The following DIAPH3 variants were observed in gnomAD, a reference collection of about 807,000 sequenced individuals.
DIAPH3 encodes diaphanous related formin 3.
DIAPH3 carries 117 observed loss-of-function variants against 144.3 expected under a neutral mutation model. That is an observed-to-expected ratio of 0.81 (90% CI 0.70 to 0.95). DIAPH3 has a LOEUF of 0.95. Among genes scored for constraint, DIAPH3 ranks in the 40% least tolerant of loss-of-function variants. DIAPH3 has a pLI of 0.00. For synonymous variants in DIAPH3, 519 were observed against 488.9 expected, an observed-to-expected ratio of 1.06 and a Z score of -0.81; for missense variants, 1,421 against 1,412.7, an observed-to-expected ratio of 1.01 and a Z score of -0.09.
intron 5 of DIAPH3, among the ~76,000 whole-genome samples, chr13:60,040,078 T>C (rs2055528945): frequency 1.3e-5 from 2 of 151,430 alleles, no homozygotes; most frequent in African/African-American, 4.9e-5. Context: ...CTACTAAAAA[T>C]ACAAAAATTA....
intron 22 of DIAPH3, among the ~76,000 whole-genome samples, chr13:59,843,667 T>G (rs1223593434): frequency 3.9e-5 from 6 of 152,254 alleles, no homozygotes; most frequent in Admixed American, 1.3e-4. Flanking sequence ...CCATTTCTTG[T>G]GCTTCACCAG....
chr13:59,853,795 C>T (rs2043111175), intron 22 of DIAPH3, among the ~76,000 whole-genome samples: 1 of 152,104 alleles, frequency 6.6e-6, no homozygotes, highest in African/African-American at 2.4e-5. Context: ...TTAACAATAA[C>T]TTTAAAAACC....
chr13:59,932,415 C>G (rs1234754691), intron 17 of DIAPH3, among the ~76,000 whole-genome samples: 3 of 151,830 alleles, frequency 2.0e-5, no homozygotes, highest in Admixed American at 2.0e-4. Context: ...ATCATCATCA[C>G]AATAAGGAAA....
chr13:59,688,820 C>A (rs887405458), intron 27 of DIAPH3, among the ~76,000 whole-genome samples: 3 of 151,886 alleles, frequency 2.0e-5, no homozygotes, highest in Non-Finnish European at 2.9e-5. Context: ...ACCAAGTACC[C>A]ATTTAGTGGA....
At chr13:59,967,386 T>C (rs1327098909) in intron 17 of DIAPH3, among the ~76,000 whole-genome samples, 1 of 152,000 alleles carries the variant, frequency 6.6e-6, no homozygotes, top group Non-Finnish European at 1.5e-5. Flanking sequence ...TAGTTTTGAA[T>C]TCTGCAGCAA....
intron 27 of DIAPH3, among the ~76,000 whole-genome samples, chr13:59,725,419 G>C (rs540370756): frequency 6.6e-6 from 1 of 152,272 alleles, no homozygotes; most frequent in Non-Finnish European, 1.5e-5. Flanking sequence ...TGTCAACTAC[G>C]GTTTTCCTAA....
At chr13:59,932,732 T>C (rs917074916) in intron 17 of DIAPH3, among the ~76,000 whole-genome samples, 2 of 152,204 alleles carry the variant, frequency 1.3e-5, no homozygotes, top group African/African-American at 4.8e-5. Flanking sequence ...TGCTATCATA[T>C]AGTCATAGGA....
chr13:59,917,416 T>C (rs2047272326), intron 18 of DIAPH3, among the ~76,000 whole-genome samples: 1 of 152,208 alleles, frequency 6.6e-6, no homozygotes, highest in Non-Finnish European at 1.5e-5. Flanking sequence ...TATTCCTGAT[T>C]TGTGAGAATA....
intron 2 of DIAPH3, among the ~76,000 whole-genome samples, chr13:60,112,795 T>C (rs985105983): frequency 6.6e-6 from 1 of 152,224 alleles, no homozygotes; most frequent in Non-Finnish European, 1.5e-5. Context: ...TAGATTTTTG[T>C]TGCAATGAAA....
In DIAPH3 at chr13:60,149,739, T is replaced by C. The variant is rs1428464704; in HGVS notation, c.180+13848A>G. 3.4e-5 allele frequency among the ~76,000 whole-genome samples: 4 copies of C among 117,256 alleles called. No individual in the cohort carries two copies. In the Admixed American group the frequency reaches 4.5e-4, roughly 13 times the overall value. The allele number at this position is 117,256 out of a possible 152,430, so 76.9% of individuals were successfully genotyped here. A position where few individuals can be genotyped will look rare whatever the true frequency, so the allele number is the denominator to read the frequency against. ...CTGCACGCCAGCCTGGGTGACAGAGTGAGACACTGTCTCAAAAAAAAAAAA... is the reference window on the plus strand; with the variant it reads ...CTGCACGCCAGCCTGGGTGACAGAGCGAGACACTGTCTCAAAAAAAAAAAA... On this transcript the variant is annotated intron_variant, in intron 1 of 27. Transcript: ENST00000400324.
At chr13:59,914,542 G>A (rs138288367) in intron 19 of DIAPH3, among the ~76,000 whole-genome samples, 1 of 152,256 alleles carries the variant, frequency 6.6e-6, no homozygotes, top group East Asian at 1.9e-4. Context: ...AATTAAAGTT[G>A]CTATCAGCTG....
intron 27 of DIAPH3, among the ~76,000 whole-genome samples, chr13:59,725,823 C>A (rs2035578247): frequency 6.6e-6 from 1 of 152,162 alleles, no homozygotes; most frequent in Non-Finnish European, 1.5e-5. Context: ...ATAACCCAAA[C>A]CTCTACAATT....
At chr13:59,747,551 T>C (rs540411099) in intron 27 of DIAPH3, among the ~76,000 whole-genome samples, 1 of 152,324 alleles carries the variant, frequency 6.6e-6, no homozygotes, top group African/African-American at 2.4e-5. Flanking sequence ...CATTGCCCCA[T>C]TCTCCCACTG....
In DIAPH3 at chr13:59,666,648, G is replaced by C. The variant is rs771369163; in HGVS notation, c.3518C>G (p.Ser1173Cys). 2 of 1,613,972 alleles carry C rather than the reference G, an allele frequency of 1.2e-6. No individual in the cohort carries two copies. The highest frequency in any genetic ancestry group is 1.3e-5 in the African/African-American group (1 of 74,918). Residue 1173 changes from serine to cysteine, a missense_variant, in exon 28 of 28, where the codon TCT becomes TGT. Transcript: ENST00000400324. ...GGGAACTGATTCATTTTTAGAAAAA[G>C]AGCCAAGAAGTTCCGTTTCCTTTTT... ...NRKKETELLGSFSKNESVPEV... is the reference protein window; with the variant it reads ...NRKKETELLGCFSKNESVPEV...
rs576760462 is a variant in DIAPH3, at chr13:60,117,891, T to G, written c.214-5705A>C. Among the ~76,000 whole-genome samples the G allele has an allele frequency of 4.6e-5, 7 of 152,286 alleles. No homozygotes were observed. The South Asian group carries it at 1.4e-3, about 32-fold the overall frequency. ...TACAATTTGTGCACTTTCTATTTCA[T>G]GTAAAATTTCCATAATTTTATATGA... On this transcript the variant is annotated intron_variant, in intron 2 of 27. Transcript: ENST00000400324.
At chr13:59,752,306 G>A (rs2037048605) in intron 27 of DIAPH3, among the ~76,000 whole-genome samples, 1 of 151,916 alleles carries the variant, frequency 6.6e-6, no homozygotes, top group East Asian at 1.9e-4. Context: ...GACCCCTATA[G>A]GGTTTTCTTT....
At chr13:59,827,761 T>C (rs943125772) in intron 24 of DIAPH3, among the ~76,000 whole-genome samples, 1 of 151,948 alleles carries the variant, frequency 6.6e-6, no homozygotes, top group Non-Finnish European at 1.5e-5. Context: ...TCCTCTAATA[T>C]GAATGGAAAG....
intron 4 of DIAPH3, 103 bp downstream of exon 4, chr13:60,093,525 G>A: frequency 1.3e-6 from 1 of 745,034 alleles, no homozygotes; most frequent in Non-Finnish European, 2.4e-6. Context: ...GAAGCCCTCT[G>A]ATTACAGTTG....
chr13:59,775,069 T>C (rs936383539), intron 25 of DIAPH3, among the ~76,000 whole-genome samples: 1 of 152,198 alleles, frequency 6.6e-6, no homozygotes, highest in Non-Finnish European at 1.5e-5. Flanking sequence ...CGGATTCACT[T>C]CAGAGCACTG....
Sources: gnomAD v4.1 joint callset for allele counts (sites outside exome capture counted in the v4.1 genomes callset) on GRCh38, gnomAD v4.1.1 for gene constraint, MANE v1.5 for transcripts, NCBI Gene and HGNC (gene_info 2026-07-23, HGNC 2026-07-21) for gene names.